The following TTC6 variants were observed in gnomAD, a reference collection of about 807,000 sequenced individuals.
TTC6 encodes the protein tetratricopeptide repeat protein 6.
TTC6 carries 172 observed loss-of-function variants against 210.4 expected under a neutral mutation model. The observed-to-expected ratio is 0.82, with a 90% CI of 0.72 to 0.93. TTC6 has a LOEUF of 0.93. TTC6 is among the 40% of genes least tolerant of loss of function. The pLI, the probability that TTC6 is intolerant of heterozygous loss-of-function variation, is 0.00. For synonymous variants in TTC6, 804 were observed against 819.6 expected (o/e 0.98, Z 0.32); for missense variants, 2,414 against 2,318.1 (o/e 1.04, Z -0.85).
rs559259491 is a variant in TTC6, at chr14:37,765,225, C to T, written c.3266+11990C>T. Among the ~76,000 whole-genome samples, 215 of 151,876 alleles carry T rather than the reference C, an allele frequency of 1.4e-3. 1 individual carries two copies. Among genetic ancestry groups the T allele is most frequent in the African/African-American group, 5.0e-3 (207 of 41,430 alleles). The stretch of plus-strand genomic sequence containing the variant: ...TGCCCCAGGCTGGAATATAGTGGTG[C>T]AATCACAGCTTACTACAGTCTTGAA... On this transcript the variant is annotated intron_variant, in intron 14 of 30. Coordinates refer to ENST00000553443, the Ensembl canonical transcript of TTC6.
At chr14:37,749,825 T>TATA (rs2095946525) in exon 12 of TTC6, 1 of 1,407,814 alleles carries the variant, frequency 7.1e-7, no homozygotes, top group African/African-American at 1.5e-5. Flanking sequence ...TATACATAAA[T>TATA]ATAATAAAAA....
intron 5 of TTC6, among the ~76,000 whole-genome samples, chr14:37,707,984 T>A (rs2095838539): frequency 6.6e-6 from 1 of 152,062 alleles, no homozygotes; most frequent in African/African-American, 2.4e-5. Flanking sequence ...AAAATTTGCC[T>A]CTATAGTTTC....
intron 25 of TTC6, among the ~76,000 whole-genome samples, chr14:37,813,185 C>T (rs1566969914): frequency 1.3e-5 from 2 of 152,064 alleles, no homozygotes; most frequent in African/African-American, 4.8e-5. Flanking sequence ...GATTATTTTT[C>T]TATTTCTGGA....
chr14:37,686,565 C>A (rs1282775900), intron 3 of TTC6, among the ~76,000 whole-genome samples: 1 of 152,076 alleles, frequency 6.6e-6, no homozygotes, highest in African/African-American at 2.4e-5. Context: ...AAAGACATAT[C>A]CAAAACTGGG....
intron 26 of TTC6, among the ~76,000 whole-genome samples, chr14:37,820,896 TCTCCTCCTTCTC>T (rs1185877580): frequency 6.1e-5 from 9 of 148,610 alleles, no homozygotes; most frequent in Admixed American, 1.3e-4. Flanking sequence ...TTCTCCTCCT[TCTCCTCCTTCTC>T]CTCCTCCTTC....
chr14:37,666,292 G>A (rs181857841), intron 1 of TTC6, among the ~76,000 whole-genome samples: 1 of 149,830 alleles, frequency 6.7e-6, no homozygotes, highest in East Asian at 1.9e-4. Flanking sequence ...GTATGAGTTT[G>A]TTTGACAGAT....
At chr14:37,715,002 ACCTCGTATCTAAAAATAATAACCCAG>A (rs1414882373) in intron 6 of TTC6, among the ~76,000 whole-genome samples, 2 of 151,910 alleles carry the variant, frequency 1.3e-5, no homozygotes, top group African/African-American at 4.8e-5. Flanking sequence ...ACATAACGAG[ACCTCGTATCTAAAAATAATAACCCAG>A]CCTGGTGGCA....
chr14:37,625,653 G>A (rs1015949750), intron 1 of TTC6, among the ~76,000 whole-genome samples: 9 of 151,870 alleles, frequency 5.9e-5, no homozygotes, highest in African/African-American at 1.7e-4. Context: ...TGTTTTAAAC[G>A]TTTGGGGCTT....
intron 2 of TTC6, among the ~76,000 whole-genome samples, chr14:37,681,251 C>T (rs557165913): frequency 2.3e-4 from 35 of 152,160 alleles, no homozygotes; most frequent in Middle Eastern, 3.4e-3. Context: ...CTGACCTCGA[C>T]GCCTCTAACA....
At chr14:37,631,411 CT>C (rs1388454064) in intron 1 of TTC6, among the ~76,000 whole-genome samples, 6 of 152,222 alleles carry the variant, frequency 3.9e-5, no homozygotes, top group Admixed American at 1.3e-4. Flanking sequence ...GTTGAAAATT[CT>C]TTGCTTTAAG....
At chr14:37,728,952 G>A (rs2095879217) in intron 7 of TTC6, among the ~76,000 whole-genome samples, 1 of 152,076 alleles carries the variant, frequency 6.6e-6, no homozygotes, top group Non-Finnish European at 1.5e-5. Context: ...AATGCATTTC[G>A]TATATCCATT....
At position 37,804,837 on chromosome 14, in the gene TTC6, T is replaced by C. The variant is rs773052814; in HGVS notation, c.4164+23T>C. ...ATGGTATTTCGTGTATTTAGGAGTA[T>C]AGATTATTTGTGATTTTAGAGACTG... On this transcript the variant is annotated intron_variant, in intron 21 of 30. Coordinates refer to ENST00000553443, the Ensembl canonical transcript of TTC6. 15 of 1,609,950 alleles carry C rather than the reference T, an allele frequency of 9.3e-6. No homozygotes were observed. In the Admixed American group the frequency reaches 2.5e-4, roughly 27 times the overall value.
At chr14:37,716,028 A>T (rs1277899562) in intron 6 of TTC6, among the ~76,000 whole-genome samples, 1 of 152,158 alleles carries the variant, frequency 6.6e-6, no homozygotes, top group Non-Finnish European at 1.5e-5. Flanking sequence ...GTAACAGAAT[A>T]TAGAGGAAGT....
intron 1 of TTC6, among the ~76,000 whole-genome samples, chr14:37,625,709 C>G (rs2095659181): frequency 6.6e-6 from 1 of 152,102 alleles, no homozygotes; most frequent in Admixed American, 6.5e-5. Flanking sequence ...CATGATTCTT[C>G]CCTTTAGAAA....
At chr14:37,790,885 G>GA in intron 16 of TTC6, 48 bp downstream of exon 18, 1 of 1,462,240 alleles carries the variant, frequency 6.8e-7, no homozygotes, top group Non-Finnish European at 9.1e-7. Flanking sequence ...GTAAAAAATC[G>GA]AAAACCTGAA....
chr14:37,724,907 T>C (rs1458945079), exon 7 of TTC6: 2 of 1,521,060 alleles, frequency 1.3e-6, no homozygotes, highest in East Asian at 2.5e-5. Context: ...GATGTATGCT[T>C]ATCCAGAATT....
chr14:37,738,790 T>A, exon 10 of TTC6: 1 of 1,500,810 alleles, frequency 6.7e-7, no homozygotes, highest in Admixed American at 2.3e-5. Context: ...TAAAATCTTC[T>A]GTAGACTTGA....
exon 23 of TTC6, chr14:37,807,335 G>C: frequency 3.9e-6 from 6 of 1,528,432 alleles, no homozygotes; most frequent in South Asian, 1.2e-5. Context: ...TTTAAGCCGA[G>C]TAGCATTCTA....
intron 14 of TTC6, among the ~76,000 whole-genome samples, chr14:37,770,636 TTTTG>T (rs1361518038): frequency 6.6e-6 from 1 of 152,050 alleles, no homozygotes; most frequent in African/African-American, 2.4e-5. Context: ...CCCTGCCTTT[TTTTG>T]TTTTTCATTT....
Sources: gnomAD v4.1 joint callset for allele counts (sites outside exome capture counted in the v4.1 genomes callset) on GRCh38, gnomAD v4.1.1 for gene constraint, MANE v1.5 for transcripts, NCBI Gene and HGNC (gene_info 2026-07-23, HGNC 2026-07-21) for gene names.